Variants in PTGER3 observed in about 807,000 individuals in gnomAD.
PTGER3 encodes prostaglandin E receptor 3.
Under a neutral mutation model 34.7 loss-of-function variants are expected in PTGER3, and 22 were observed. That is an observed-to-expected ratio of 0.63 (90% confidence interval 0.45 to 0.91). The LOEUF (loss-of-function observed/expected upper bound fraction) is 0.91, where lower values mean the gene tolerates loss of function less well. Among genes scored for constraint, PTGER3 ranks in the 40% least tolerant of loss-of-function variants. The pLI is 0.00. For missense variants in PTGER3, 468 were observed against 519.4 expected, an observed-to-expected ratio of 0.90 and a Z score of 0.96; for synonymous variants, 241 against 230.1, an observed-to-expected ratio of 1.05 and a Z score of -0.43.
At chr1:70,953,202 GA>G in intron 3 of PTGER3, 2 of 714,484 alleles carry the variant, frequency 2.8e-6, no homozygotes, top group Non-Finnish European at 4.1e-6. Context: ...AAATAATCCA[GA>G]GATTATTTAA....
At chr1:70,935,948 G>A (rs1202653951) in intron 4 of PTGER3, among the ~76,000 whole-genome samples, 1 of 152,088 alleles carries the variant, frequency 6.6e-6, no homozygotes, top group East Asian at 1.9e-4. Context: ...TTCACAGGGA[G>A]TTAAAAAGTT....
At chr1:71,006,124 TCTAG>T in intron 2 of PTGER3, 1 of 954,698 alleles carries the variant, frequency 1.0e-6, no homozygotes, top group Non-Finnish European at 1.2e-6. Flanking sequence ...ATCTCTCTTA[TCTAG>T]CTATGATTTT....
chr1:70,930,989 A>G (rs1351844978), intron 4 of PTGER3, among the ~76,000 whole-genome samples: 6 of 152,078 alleles, frequency 3.9e-5, no homozygotes, highest in African/African-American at 1.4e-4. Context: ...CAAGGCAAGC[A>G]CCTTCAGCCT....
At chr1:71,019,496 A>C (rs889611335) in intron 1 of PTGER3, among the ~76,000 whole-genome samples, 2 of 152,174 alleles carry the variant, frequency 1.3e-5, no homozygotes, top group African/African-American at 4.8e-5. Context: ...ACTTGAGATA[A>C]CTGGGAACAC....
At chr1:70,868,208 C>G (rs1476686450) in intron 4 of PTGER3, among the ~76,000 whole-genome samples, 1 of 152,002 alleles carries the variant, frequency 6.6e-6, no homozygotes, top group Non-Finnish European at 1.5e-5. Flanking sequence ...CCTATGTCAC[C>G]TTTACAATTC....
chr1:70,863,584 G>A lies in PTGER3; in HGVS notation c.*24-10725C>T, dbSNP rs148448463. On this transcript the variant is annotated intron_variant, in intron 4 of 4. Transcript: ENST00000370931. The stretch of plus-strand genomic sequence containing the variant: ...GGGTCAAGATCCATTCATGAGTTAC[G>A]AAATCACTTATGTGGCTTACATCTT... Among the ~76,000 whole-genome samples, 1,000 of 152,216 alleles carry A rather than the reference G, an allele frequency of 6.6e-3. 13 individuals carry two copies. The highest frequency in any genetic ancestry group is 0.022 in the African/African-American group (914 of 41,544).
At chr1:70,979,728 C>T (rs1654071484) in intron 2 of PTGER3, among the ~76,000 whole-genome samples, 2 of 152,110 alleles carry the variant, frequency 1.3e-5, no homozygotes, top group African/African-American at 2.4e-5. Flanking sequence ...CACACCACTT[C>T]GTGAGACTCT....
chr1:70,916,995 A>C (rs1410203403), intron 4 of PTGER3, among the ~76,000 whole-genome samples: 1 of 151,950 alleles, frequency 6.6e-6, no homozygotes, highest in Admixed American at 6.6e-5. Context: ...TAATTACCTT[A>C]CCCATCACTA....
chr1:70,856,183 A>T (rs576814467), intron 4 of PTGER3, among the ~76,000 whole-genome samples: 1 of 152,278 alleles, frequency 6.6e-6, no homozygotes. Context: ...TAATATTTTT[A>T]TTTAGGAACT....
chr1:70,953,185 G>A (rs1650951811), intron 3 of PTGER3: 3 of 802,244 alleles, frequency 3.7e-6, no homozygotes, highest in Non-Finnish European at 5.3e-6. Flanking sequence ...ATTGTATTAG[G>A]CATTATAAAT....
chr1:70,862,146 G>A (rs1303251109), intron 4 of PTGER3, among the ~76,000 whole-genome samples: 1 of 151,900 alleles, frequency 6.6e-6, no homozygotes, highest in Non-Finnish European at 1.5e-5. Flanking sequence ...GAGATTACCT[G>A]AAATATTGGA....
chr1:70,914,467 TTAA>T (rs1317812080), intron 4 of PTGER3, among the ~76,000 whole-genome samples: 1 of 151,864 alleles, frequency 6.6e-6, no homozygotes, highest in Non-Finnish European at 1.5e-5. Flanking sequence ...TTTCAACCAT[TTAA>T]TAATAAAAAT....
At chr1:70,939,444 C>G (rs1258911089) in intron 4 of PTGER3, among the ~76,000 whole-genome samples, 1 of 152,232 alleles carries the variant, frequency 6.6e-6, no homozygotes, top group Non-Finnish European at 1.5e-5. Flanking sequence ...AGGCAGTGCC[C>G]CAGTAGGGCC....
intron 1 of PTGER3, among the ~76,000 whole-genome samples, chr1:71,025,149 CTTCCTTCCTTCCTTCT>C: frequency 6.7e-6 from 1 of 148,258 alleles, no homozygotes; most frequent in Non-Finnish European, 1.5e-5. Context: ...TCCTTCCTTC[CTTCCTTCCTTCCTTCT>C]TTCCTTCCTT....
chr1:70,950,728 T>C (rs1354757216), downstream of PTGER3: 2 of 152,190 alleles, frequency 1.3e-5, no homozygotes, highest in East Asian at 3.8e-4. Flanking sequence ...TATTTTATTT[T>C]TTTTAGATGA....
chr1:70,948,323 C>T (rs751896018), downstream of PTGER3, among the ~76,000 whole-genome samples: 16 of 152,014 alleles, frequency 1.1e-4, no homozygotes, highest in African/African-American at 3.4e-4. Flanking sequence ...GGTTTTATAA[C>T]GGACTTTTCC....
At chr1:70,876,865 G>C (rs558550704) in intron 4 of PTGER3, among the ~76,000 whole-genome samples, 2 of 152,264 alleles carry the variant, frequency 1.3e-5, no homozygotes, top group East Asian at 3.9e-4. Context: ...TAGCCTTGTA[G>C]TATAGTTTGA....
Position 71,047,583 on chromosome 1 carries a change from C to T in PTGER3, c.-6G>A, listed in dbSNP as rs148913007. 1.7e-4 allele frequency: 267 copies of T among 1,526,260 alleles called. No individual in the cohort carries two copies. Among genetic ancestry groups the T allele is most frequent in the Non-Finnish European group, 2.2e-4 (249 of 1,130,376 alleles). 94.5% of individuals were successfully genotyped at this position (1,526,260 alleles called of 1,614,324 possible). ...TAGCCCCGGGTCTCCTTCATGTTGG[C>T]TTCGAGGTGAGGAGGGGATGGCGTC... On this transcript the variant is annotated 5_prime_UTR_variant, in exon 1 of 4. Transcript: ENST00000306666.
intron 4 of PTGER3, among the ~76,000 whole-genome samples, chr1:70,864,135 T>C (rs779267461): frequency 1.3e-5 from 2 of 152,170 alleles, no homozygotes; most frequent in Non-Finnish European, 2.9e-5. Context: ...TCCCTTTGCC[T>C]GGGTCACTCT....
Sources: gnomAD v4.1 joint callset for allele counts (sites outside exome capture counted in the v4.1 genomes callset) on GRCh38, gnomAD v4.1.1 for gene constraint, MANE v1.5 for transcripts, NCBI Gene and HGNC (gene_info 2026-07-23, HGNC 2026-07-21) for gene names.